Variants in ESRRG observed in about 807,000 individuals in gnomAD.
ESRRG encodes estrogen-related receptor gamma.
Under a neutral mutation model 44.0 loss-of-function variants are expected in ESRRG, and 13 were observed. The observed-to-expected ratio is 0.30, with a 90% CI of 0.19 to 0.47. ESRRG has a LOEUF of 0.47. ESRRG is among the 20% of genes least tolerant of loss of function. The pLI is 1.00. For missense variants in ESRRG, 395 were observed against 580.6 expected, an observed-to-expected ratio of 0.68 and a Z score of 3.29; for synonymous variants, 215 against 214.6, an observed-to-expected ratio of 1.00 and a Z score of -0.02.
intron 5 of ESRRG, among the ~76,000 whole-genome samples, chr1:216,529,570 A>C (rs1237628642): frequency 6.6e-6 from 1 of 151,356 alleles, no homozygotes; most frequent in Admixed American, 6.6e-5. Context: ...AAAGCTGTCG[A>C]AGAGGCAATC....
intron 2 of ESRRG, among the ~76,000 whole-genome samples, chr1:216,833,949 C>A (rs1396338494): frequency 6.6e-6 from 1 of 152,188 alleles, no homozygotes; most frequent in Non-Finnish European, 1.5e-5. Flanking sequence ...ACCATCAAAG[C>A]TGAGGTGAGA....
Position 216,787,240 on chromosome 1 carries a change from G to A in ESRRG, c.-13-109749C>T, listed in dbSNP as rs181556159. 1.7e-4 allele frequency among the ~76,000 whole-genome samples: 25 copies of A among 151,484 alleles called. 1 individual carries two copies. In the East Asian group the frequency reaches 3.5e-3, roughly 21 times the overall value. Reference sequence around the variant, plus strand: ...AACTGCTCCAACTGGCCATTCTCTGGTCTCTCTCTCTCTGTCCTTGGCCAT... The same window carrying A: ...AACTGCTCCAACTGGCCATTCTCTGATCTCTCTCTCTCTGTCCTTGGCCAT... On this transcript the variant is annotated intron_variant, in intron 2 of 7. Transcript: ENST00000359162.
At chr1:216,964,080 T>C (rs1202654541) in intron 1 of ESRRG, among the ~76,000 whole-genome samples, 1 of 151,956 alleles carries the variant, frequency 6.6e-6, no homozygotes, top group African/African-American at 2.4e-5. Context: ...ATTCCAAGGA[T>C]CTGAAAGAAG....
chr1:216,782,587 G>A (rs2093974721), intron 2 of ESRRG, among the ~76,000 whole-genome samples: 1 of 152,002 alleles, frequency 6.6e-6, no homozygotes, highest in African/African-American at 2.4e-5. Context: ...GCACTTAACA[G>A]CAGAATTGAG....
At chr1:216,594,573 G>A (rs952221039) in intron 3 of ESRRG, among the ~76,000 whole-genome samples, 53 of 152,226 alleles carry the variant, frequency 3.5e-4, no homozygotes, top group African/African-American at 1.2e-3. Flanking sequence ...TCAGCATCTA[G>A]AACCAGCTAG....
At chr1:216,616,630 T>C (rs2061462257) in intron 3 of ESRRG, among the ~76,000 whole-genome samples, 1 of 152,194 alleles carries the variant, frequency 6.6e-6, no homozygotes, top group African/African-American at 2.4e-5. Context: ...GAGTTCTGTC[T>C]GGCTCCTGTT....
chr1:216,868,607 C>T (rs1017907075), intron 2 of ESRRG, among the ~76,000 whole-genome samples: 1 of 152,068 alleles, frequency 6.6e-6, no homozygotes, highest in African/African-American at 2.4e-5. Context: ...CTGCATCCTA[C>T]AGTAGATCAC....
chr1:216,717,061 A>G (rs2085053408), intron 1 of ESRRG, among the ~76,000 whole-genome samples: 1 of 151,896 alleles, frequency 6.6e-6, no homozygotes, highest in African/African-American at 2.4e-5. Flanking sequence ...AAAACATCAA[A>G]AGCAAGTTTC....
intron 2 of ESRRG, among the ~76,000 whole-genome samples, chr1:216,810,487 G>T (rs1197499252): frequency 4.0e-5 from 6 of 151,040 alleles, no homozygotes; most frequent in African/African-American, 1.2e-4. Flanking sequence ...GAGAACAGCT[G>T]GAAAGCCTCA....
At chr1:217,136,465 C>G (rs2093051632) in intron 1 of ESRRG, among the ~76,000 whole-genome samples, 1 of 152,180 alleles carries the variant, frequency 6.6e-6, no homozygotes, top group Non-Finnish European at 1.5e-5. Context: ...GCACCCGGGT[C>G]ACGTCATCGC....
At chr1:216,860,000 A>G (rs1411564055) in intron 2 of ESRRG, among the ~76,000 whole-genome samples, 1 of 152,174 alleles carries the variant, frequency 6.6e-6, no homozygotes, top group Non-Finnish European at 1.5e-5. Flanking sequence ...GCAGTGGCTC[A>G]TGCCTGTAAT....
chr1:217,061,194 C>T (rs958422384), intron 1 of ESRRG, among the ~76,000 whole-genome samples: 7 of 151,970 alleles, frequency 4.6e-5, no homozygotes, highest in African/African-American at 1.5e-4. Context: ...TTAAATTGCC[C>T]TTGTCACAGT....
At chr1:216,580,203 A>ATG (rs1399581144) in intron 3 of ESRRG, among the ~76,000 whole-genome samples, 3 of 152,230 alleles carry the variant, frequency 2.0e-5, no homozygotes, top group Non-Finnish European at 4.4e-5. Context: ...AACATGCTTT[A>ATG]CAGCCATGCA....
chr1:216,801,387 C>T (rs1327341961), intron 2 of ESRRG, among the ~76,000 whole-genome samples: 1 of 152,108 alleles, frequency 6.6e-6, no homozygotes, highest in Non-Finnish European at 1.5e-5. Flanking sequence ...CATTTTGTAT[C>T]CTGTGACCTA....
At chr1:216,706,255 T>C (rs754135747) in intron 1 of ESRRG, among the ~76,000 whole-genome samples, 3 of 145,846 alleles carry the variant, frequency 2.1e-5, no homozygotes, top group Non-Finnish European at 3.0e-5. Context: ...AGAAAGACTA[T>C]GGCGGGGGTG....
At chr1:217,067,164 T>A (rs2089861880) in intron 1 of ESRRG, among the ~76,000 whole-genome samples, 1 of 152,248 alleles carries the variant, frequency 6.6e-6, no homozygotes, top group African/African-American at 2.4e-5. Context: ...CTTGGAACTA[T>A]GAGATCCATA....
rs532818250 is a variant in ESRRG at position 216,856,872 on chromosome 1, C to T, written c.-14+82710G>A. ...CAACTCATACATTAATCAAGTTGAG[C>T]CCTCATCCATACTTACTGCAATACA... On this transcript the variant is annotated intron_variant, in intron 2 of 7. Coordinates refer to the ESRRG transcript ENST00000359162. Among the ~76,000 whole-genome samples the T allele has an allele frequency of 5.3e-5, 8 of 152,220 alleles. No homozygotes were observed. The East Asian group carries it at 1.5e-3, about 29-fold the overall frequency.
At chr1:216,851,242 A>G (rs1259358062) in intron 2 of ESRRG, among the ~76,000 whole-genome samples, 1 of 152,110 alleles carries the variant, frequency 6.6e-6, no homozygotes, top group Non-Finnish European at 1.5e-5. Flanking sequence ...GTGCCCACTC[A>G]TTACTAAAAG....
chr1:217,059,705 G>C (rs2087933332), intron 1 of ESRRG, among the ~76,000 whole-genome samples: 1 of 151,982 alleles, frequency 6.6e-6, no homozygotes, highest in African/African-American at 2.4e-5. Context: ...TCCAGTCCCA[G>C]GTACCAATTT....
Sources: gnomAD v4.1 joint callset for allele counts (sites outside exome capture counted in the v4.1 genomes callset) on GRCh38, gnomAD v4.1.1 for gene constraint, MANE v1.5 for transcripts, NCBI Gene and HGNC (gene_info 2026-07-23, HGNC 2026-07-21) for gene names.